ERGIC1: variants seen among roughly 807,000 people sequenced by gnomAD.
ERGIC1 encodes the protein endoplasmic reticulum-golgi intermediate compartment 1, also known as endoplasmic reticulum-Golgi intermediate compartment protein 1.
A neutral mutation model predicts 38.3 loss-of-function variants in ERGIC1; 19 were observed. That is an observed-to-expected ratio of 0.50 (90% CI 0.35 to 0.73). The LOEUF (loss-of-function observed/expected upper bound fraction) is 0.73. Among genes scored for constraint, ERGIC1 ranks in the 30% least tolerant of loss-of-function variants. The pLI is 0.01. For synonymous variants in ERGIC1, 124 were observed against 157.6 expected, an observed-to-expected ratio of 0.79 and a Z score of 1.60; for missense variants, 294 against 389.2, an observed-to-expected ratio of 0.76 and a Z score of 2.06.
chr5:172,925,805 C>G (rs1763637858), intron 6 of ERGIC1, among the ~76,000 whole-genome samples: 1 of 152,234 alleles, frequency 6.6e-6, no homozygotes, highest in Admixed American at 6.5e-5. Flanking sequence ...CCCATGGTAG[C>G]ATGCTCCATT....
Position 172,846,881 on chromosome 5 carries a change from T to C in ERGIC1, c.20+12448T>C, listed in dbSNP as rs1761293090. ...CCTGGCATCTGTTAGGTGCTTGATATCTATTCGTTACAGAAAAAAGCACCA... is the reference window on the plus strand; with the variant it reads ...CCTGGCATCTGTTAGGTGCTTGATACCTATTCGTTACAGAAAAAAGCACCA... On this transcript the variant is annotated intron_variant, in intron 1 of 9. Coordinates refer to ENST00000393784, the MANE Select transcript of ERGIC1 (RefSeq NM_001031711.3). This position sits in a 1 kb window ranked among gnomAD's most constrained non-coding sequence, Gnocchi z 4.0. Among the ~76,000 whole-genome samples the C allele has an allele frequency of 1.3e-5, 2 of 152,194 alleles. No individual in the cohort carries two copies. Among genetic ancestry groups the C allele is most frequent in the African/African-American group, 2.4e-5 (1 of 41,450 alleles).
At position 172,834,354 on chromosome 5, in the gene ERGIC1, G is replaced by T; in HGVS notation, c.-60G>T. The T allele has an allele frequency of 8.8e-6, 11 of 1,248,264 alleles. No homozygotes were observed. Among genetic ancestry groups the T allele is most frequent in the Non-Finnish European group, 1.0e-5 (10 of 996,326 alleles). 77.3% of individuals were successfully genotyped at this position (1,248,264 alleles called of 1,614,324 possible). A position where few individuals can be genotyped will look rare whatever the true frequency, so the allele number is the denominator to read the frequency against. On this transcript the variant is annotated 5_prime_UTR_variant, in exon 1 of 10. Transcript: ENST00000393784. The surrounding 1 kb of genome is among the most constrained non-coding windows in gnomAD (Gnocchi z 4.1). ...GGAGGAGGCGTTGGCAGCGGGCTCG[G>T]ACCCACGCGGCGCCGCGGCCCGCCT...
intron 9 of ERGIC1, among the ~76,000 whole-genome samples, chr5:172,947,679 A>G (rs999199296): frequency 6.6e-6 from 1 of 152,182 alleles, no homozygotes; most frequent in African/African-American, 2.4e-5. Context: ...TGACTGAGCC[A>G]GTTGCATAGC....
At chr5:172,935,121 T>C in intron 8 of ERGIC1, 67 bp from the exon 9 acceptor site, 1 of 1,610,188 alleles carries the variant, frequency 6.2e-7, no homozygotes, top group Non-Finnish European at 8.5e-7. Flanking sequence ...GGGGGCCCTC[T>C]GCAATCCAGT....
intron 5 of ERGIC1, chr5:172,915,879 T>C (rs940981156): frequency 3.3e-6 from 1 of 304,244 alleles, no homozygotes; most frequent in Non-Finnish European, 6.7e-6. Flanking sequence ...GAGCTGGGGT[T>C]GCAAAGTCAC....
At chr5:172,932,589 G>A (rs1018376022) in intron 8 of ERGIC1, 53 bp downstream of exon 8, 19 of 1,542,078 alleles carry the variant, frequency 1.2e-5, no homozygotes, top group Non-Finnish European at 1.5e-5. Flanking sequence ...CTCTGCTGAC[G>A]GAGAGCAGAG....
intron 1 of ERGIC1, among the ~76,000 whole-genome samples, chr5:172,873,094 C>T (rs981199555): frequency 2.0e-5 from 3 of 152,262 alleles, no homozygotes; most frequent in Non-Finnish European, 2.9e-5. Flanking sequence ...TAGCTCCTGC[C>T]GCTCAGCGTT....
At chr5:172,847,204 G>A (rs1761300324) in intron 1 of ERGIC1, among the ~76,000 whole-genome samples, 1 of 151,986 alleles carries the variant, frequency 6.6e-6, no homozygotes, top group African/African-American at 2.4e-5. Flanking sequence ...CCTTGGCCTG[G>A]CAGTGGTGGG....
chr5:172,904,946 C>T (rs1392660824), intron 3 of ERGIC1, among the ~76,000 whole-genome samples: 2 of 152,230 alleles, frequency 1.3e-5, no homozygotes, highest in African/African-American at 4.8e-5. Context: ...CCCAGCACCG[C>T]AGCCCCCTTG....
intron 7 of ERGIC1, among the ~76,000 whole-genome samples, chr5:172,930,136 C>G (rs531757380): frequency 4.8e-5 from 7 of 146,196 alleles, no homozygotes; most frequent in Admixed American, 1.4e-4. Flanking sequence ...TGCAGTGAGC[C>G]GAGATCGTGC....
chr5:172,915,026 G>A (rs1178061648), intron 5 of ERGIC1, 188 bp downstream of exon 5: 4 of 888,524 alleles, frequency 4.5e-6, no homozygotes, highest in Non-Finnish European at 7.4e-6. Context: ...GCTCCCTGGG[G>A]TTTTAAGCCC....
intron 1 of ERGIC1, among the ~76,000 whole-genome samples, chr5:172,850,545 T>G (rs1761378841): frequency 1.3e-5 from 2 of 152,138 alleles, no homozygotes; most frequent in African/African-American, 4.8e-5. Flanking sequence ...CTTTGGAGTC[T>G]GGTGGACCTG....
intron 1 of ERGIC1, among the ~76,000 whole-genome samples, chr5:172,887,026 G>A (rs1050118979): frequency 6.6e-6 from 1 of 152,160 alleles, no homozygotes; most frequent in Non-Finnish European, 1.5e-5. Context: ...CAGAGAAAGT[G>A]GTACCTTTGA....
chr5:172,939,219 C>T (rs975141185), intron 9 of ERGIC1, among the ~76,000 whole-genome samples: 2 of 152,206 alleles, frequency 1.3e-5, no homozygotes, highest in African/African-American at 4.8e-5. Context: ...TTGAAGGAGC[C>T]CCCTGCTGGA....
chr5:172,834,308 G>A lies in ERGIC1; in HGVS notation c.-106G>A. Reference sequence around the variant, plus strand: ...GCGAGTGGCGAGTGTCAGGGGGGCGGCCGGCGGGGGCGGGGCGGCCGGAGG... The same window carrying A: ...GCGAGTGGCGAGTGTCAGGGGGGCGACCGGCGGGGGCGGGGCGGCCGGAGG... On this transcript the variant is annotated 5_prime_UTR_variant, in exon 1 of 10. Transcript: ENST00000393784. The surrounding 1 kb of genome is among the most constrained non-coding windows in gnomAD (Gnocchi z 4.1). The A allele has an allele frequency of 9.3e-7, 1 of 1,077,226 alleles. No homozygotes were observed. Among genetic ancestry groups the A allele is most frequent in the Non-Finnish European group, 1.1e-6 (1 of 872,274 alleles). The allele number at this position is 1,077,226 out of a possible 1,614,324, so 66.7% of individuals were successfully genotyped here.
intron 9 of ERGIC1, chr5:172,936,645 C>G (rs1020722519): frequency 6.6e-6 from 1 of 152,350 alleles, no homozygotes; most frequent in Admixed American, 6.5e-5. Flanking sequence ...CCTGCCACCT[C>G]CCAGGGCCTT....
rs1402518641 is a variant in ERGIC1 at position 172,893,898 on chromosome 5, T to C, written c.83-3104T>C. Reference sequence around the variant, plus strand: ...ATATATATATATATATATATATATATATATATATGTGTGTGTGTGTGTGTG... The same window carrying C: ...ATATATATATATATATATATATATACATATATATGTGTGTGTGTGTGTGTG... On this transcript the variant is annotated intron_variant, in intron 2 of 9. Coordinates refer to ENST00000393784, the MANE Select transcript of ERGIC1 (RefSeq NM_001031711.3). Among the ~76,000 whole-genome samples, 16 of 38,246 alleles carry C rather than the reference T, an allele frequency of 4.2e-4. 2 individuals carry two copies. Among genetic ancestry groups the C allele is most frequent in the South Asian group, 1.1e-3 (1 of 876 alleles). 25.1% of individuals were successfully genotyped at this position (38,246 alleles called of 152,430 possible). A position where few individuals can be genotyped will look rare whatever the true frequency, so the allele number is the denominator to read the frequency against.
At chr5:172,932,815 G>T (rs62387405) in intron 8 of ERGIC1, 244,066 of 434,042 alleles carry the variant, frequency 0.56, 70,585 homozygotes, top group African/African-American at 0.65. Flanking sequence ...AAAGGTCCTG[G>T]GGTTGCAGGT....
intron 2 of ERGIC1, among the ~76,000 whole-genome samples, chr5:172,891,527 C>T (rs1453467038): frequency 6.6e-6 from 1 of 151,462 alleles, no homozygotes; most frequent in Admixed American, 6.6e-5. Flanking sequence ...CAACTTCTGC[C>T]TCCCGGGTTC....
Sources: gnomAD v4.1 joint callset for allele counts (sites outside exome capture counted in the v4.1 genomes callset) on GRCh38, gnomAD v4.1.1 for gene constraint, Gnocchi (gnomAD v3.1) non-coding constraint, MANE v1.5 for transcripts, NCBI Gene and HGNC (gene_info 2026-07-23, HGNC 2026-07-21) for gene names.